The following GBP2 variants were observed in gnomAD, a reference collection of about 807,000 sequenced individuals.
GBP2 encodes guanylate-binding protein 2.
A neutral mutation model predicts 60.8 loss-of-function variants in GBP2; 54 were observed. The ratio of observed to expected loss-of-function variants is 0.89; its 90% CI spans 0.71 to 1.11. The LOEUF is 1.11. Among genes scored for constraint, GBP2 ranks in the 50% most tolerant of loss-of-function variants. GBP2 has a pLI of 0.00. For synonymous variants in GBP2, 243 were observed against 256.5 expected (o/e 0.95, Z 0.50); for missense variants, 665 against 703.3 (o/e 0.95, Z 0.62).
At position 89,120,178 on chromosome 1, in the gene GBP2, C is replaced by T; in HGVS notation, c.428+1G>A. 2.5e-6 allele frequency: 4 copies of T among 1,610,334 alleles called. No homozygotes were observed. The highest frequency in any genetic ancestry group is 3.4e-6 in the Non-Finnish European group (4 of 1,176,582). On this transcript the variant is annotated splice_donor_variant, in intron 4 of 10. Transcript: ENST00000370466. LOFTEE classifies it high-confidence loss of function. ...CTGTTCTGGACCACAAAAAAGGATA[C>T]TGAAGTTGGTCCATGGCCTGCTGGT...
intron 1 of GBP2, among the ~76,000 whole-genome samples, chr1:89,122,919 C>T (rs1681432122): frequency 6.6e-6 from 1 of 151,962 alleles, no homozygotes; most frequent in Non-Finnish European, 1.5e-5. Context: ...CAAGAACTGC[C>T]CTTTCTCCTC....
At chr1:89,113,173 G>A (rs1681198583) in intron 7 of GBP2, 1 of 157,954 alleles carries the variant, frequency 6.3e-6, no homozygotes, top group Non-Finnish European at 1.4e-5. Flanking sequence ...ATTAAGCCCG[G>A]GGACTTTTTA....
intron 7 of GBP2, among the ~76,000 whole-genome samples, chr1:89,113,297 A>G (rs975116776): frequency 6.6e-6 from 1 of 152,210 alleles, no homozygotes; most frequent in Non-Finnish European, 1.5e-5. Context: ...TGCCATAGGT[A>G]TTTTCAGTAT....
chr1:89,109,704 T>C lies in GBP2; in HGVS notation c.1632A>G (p.Gln544=). ...ERDRAQLMAE[Q]EKTLALKLQE... ...GAAGTTTAAGAGCGAGGGTCTTCTC[T>C]TGCTCTGCCATTAACTGGGCCCTGT... Residue 544 remains glutamine (Q), a synonymous_variant, in exon 10 of 11, where the codon CAA becomes CAG. Coordinates refer to ENST00000370466, the MANE Select transcript of GBP2 (RefSeq NM_004120.5). 1 of 1,614,038 alleles carries C rather than the reference T, an allele frequency of 6.2e-7. No homozygotes were observed. The highest frequency in any genetic ancestry group is 1.7e-5 in the Admixed American group (1 of 60,016).
intron 9 of GBP2, 58 bp downstream of exon 9, chr1:89,110,106 T>G (rs1570315792): frequency 4.8e-6 from 6 of 1,257,238 alleles, no homozygotes; most frequent in Non-Finnish European, 6.9e-6. Flanking sequence ...GGACCAATAT[T>G]GCTAACTAAC....
chr1:89,118,525 A>C (rs970419221), intron 4 of GBP2: 1 of 152,218 alleles, frequency 6.6e-6, no homozygotes, highest in African/African-American at 2.4e-5. Context: ...GGTGGGTATT[A>C]AGTGAAGAGA....
chr1:89,109,436 T>G (rs1222553128), intron 10 of GBP2, among the ~76,000 whole-genome samples: 2 of 152,210 alleles, frequency 1.3e-5, no homozygotes, highest in Non-Finnish European at 2.9e-5. Flanking sequence ...TGTAAAATAC[T>G]TGTGCAGTGC....
At chr1:89,116,862 A>G in intron 6 of GBP2, 130 bp downstream of exon 6, 2 of 826,692 alleles carry the variant, frequency 2.4e-6, no homozygotes, top group South Asian at 3.5e-5. Flanking sequence ...TATGATTTTC[A>G]TGTTGTATTT....
At chr1:89,116,935 C>T (rs1681283409) in intron 6 of GBP2, 57 bp downstream of exon 6, 3 of 1,589,542 alleles carry the variant, frequency 1.9e-6, no homozygotes, top group East Asian at 2.2e-5. Context: ...ATTTTATCCT[C>T]TACAATGGGC....
At chr1:89,115,339 A>G (rs6666752) in intron 6 of GBP2, among the ~76,000 whole-genome samples, 3,045 of 152,300 alleles carry the variant, frequency 0.02, 113 homozygotes, top group African/African-American at 0.069. Context: ...CACTGCAAAT[A>G]GCATCCATCC....
chr1:89,121,278 A>C lies in GBP2; in HGVS notation c.191-8T>G. 1 of 1,594,594 alleles carries C rather than the reference A, an allele frequency of 6.3e-7. No individual in the cohort carries two copies. The highest frequency in any genetic ancestry group is 2.2e-5 in the East Asian group (1 of 44,502). ...TGGAGCCTAGAGAGAAGCCTGTAGAAGGAGAGGATAAAAGGGAAAAGAAAT... is the reference window on the plus strand; with the variant it reads ...TGGAGCCTAGAGAGAAGCCTGTAGACGGAGAGGATAAAAGGGAAAAGAAAT... On this transcript the variant is annotated splice_region_variant and splice_polypyrimidine_tract_variant and intron_variant, in intron 2 of 10. Coordinates refer to ENST00000370466, the MANE Select transcript of GBP2 (RefSeq NM_004120.5).
chr1:89,122,067 T>C lies in GBP2; in HGVS notation c.-17-84A>G. ...AACTTTACAATATGGGTTAAATTTT[T>C]GTTTTCTATGCTTGAACATTTTTTC... On this transcript the variant is annotated intron_variant, in intron 1 of 10. Coordinates refer to ENST00000370466, the MANE Select transcript of GBP2 (RefSeq NM_004120.5). 5.0e-6 allele frequency: 5 copies of C among 996,562 alleles called. No homozygotes were observed. The South Asian group carries it at 1.2e-4, about 24-fold the overall frequency. 61.7% of individuals were successfully genotyped at this position (996,562 alleles called of 1,614,324 possible). A position where few individuals can be genotyped will look rare whatever the true frequency, so the allele number is the denominator to read the frequency against.
intron 9 of GBP2, 49 bp from the exon 10 acceptor site, chr1:89,109,919 T>C: frequency 6.6e-7 from 1 of 1,506,794 alleles, no homozygotes; most frequent in Non-Finnish European, 9.0e-7. Context: ...CAATTGTAGG[T>C]GTTCCCTTTT....
rs1241007974 is a variant in GBP2 at position 89,121,800 on chromosome 1, T to C, written c.167A>G (p.Asn56Ser). 5 of 1,614,048 alleles carry C rather than the reference T, an allele frequency of 3.1e-6. No individual in the cohort carries two copies. Among genetic ancestry groups the C allele is most frequent in the African/African-American group, 1.3e-5 (1 of 75,032 alleles). The change falls in exon 2 of 11, where the codon AAC (asparagine) becomes AGC (serine). Residue 56 changes from asparagine to serine, a missense_variant. By Grantham distance (46) the Asn-to-Ser change is conservative. Transcript: ENST00000370466. ...ACCGTTTTTCTTCCCAGCCAGCTTG[T>C]TCATCAGGTAGGATTTGCCTGTGCG... ...LYRTGKSYLM[N>S]KLAGKKNGFS... is the part of the protein sequence containing the mutation.
At chr1:89,113,652 T>A (rs1191994594) in intron 7 of GBP2, among the ~76,000 whole-genome samples, 2 of 152,134 alleles carry the variant, frequency 1.3e-5, no homozygotes, top group Middle Eastern at 3.4e-3. Context: ...TTTAAAAAAA[T>A]TATTAGGGTT....
intron 1 of GBP2, among the ~76,000 whole-genome samples, chr1:89,122,343 C>T (rs1317005496): frequency 6.6e-6 from 1 of 152,188 alleles, no homozygotes; most frequent in Non-Finnish European, 1.5e-5. Flanking sequence ...CACTAATGTC[C>T]TTCTGCTCCA....
At chr1:89,109,184 T>G (rs1200437580) in intron 10 of GBP2, among the ~76,000 whole-genome samples, 1 of 152,092 alleles carries the variant, frequency 6.6e-6, no homozygotes, top group African/African-American at 2.4e-5. Flanking sequence ...TGTGAGCCAC[T>G]GCACCTGGCC....
In GBP2 at chr1:89,117,302, T is replaced by C. The variant is rs773564810; in HGVS notation, c.626-68A>G. 278 of 1,388,172 alleles carry C rather than the reference T, an allele frequency of 2.0e-4. 1 individual carries two copies. The highest frequency in any genetic ancestry group is 2.5e-4 in the Non-Finnish European group (255 of 1,002,112). The allele number at this position is 1,388,172 out of a possible 1,614,324, so 86.0% of individuals were successfully genotyped here. A position where few individuals can be genotyped will look rare whatever the true frequency, so the allele number is the denominator to read the frequency against. On this transcript the variant is annotated intron_variant, in intron 5 of 10. Transcript: ENST00000370466. ...TACTTCAAATATGATCTTTCAATTT[T>C]ATAATTTTCACAAAGCCCATGTAAG...
intron 3 of GBP2, among the ~76,000 whole-genome samples, 152 bp downstream of exon 3, chr1:89,120,987 CCACA>C (rs1681383904): frequency 6.6e-6 from 1 of 152,044 alleles, no homozygotes; most frequent in African/African-American, 2.4e-5. Context: ...AATGCTTATA[CCACA>C]CAAATTTTAA....
Sources: gnomAD v4.1 joint callset for allele counts (sites outside exome capture counted in the v4.1 genomes callset) on GRCh38, gnomAD v4.1.1 for gene constraint, MANE v1.5 for transcripts, NCBI Gene and HGNC (gene_info 2026-07-23, HGNC 2026-07-21) for gene names.